NOVA1: variants seen among roughly 807,000 people sequenced by gnomAD.
NOVA1 encodes the protein NOVA alternative splicing regulator 1, also known as RNA-binding protein Nova-1.
NOVA1 carries 7 observed loss-of-function variants against 38.0 expected under a neutral mutation model. That is an observed-to-expected ratio of 0.18 (90% confidence interval 0.10 to 0.35). NOVA1 has a LOEUF of 0.35. NOVA1 is among the 10% of genes least tolerant of loss of function. The pLI is 1.00. For missense variants in NOVA1, 460 were observed against 616.0 expected (o/e 0.75, Z 2.68); for synonymous variants, 270 against 232.5 (o/e 1.16, Z -1.47).
intron 2 of NOVA1, among the ~76,000 whole-genome samples, chr14:26,490,537 G>A (rs1193967271): frequency 2.6e-5 from 4 of 152,172 alleles, no homozygotes; most frequent in African/African-American, 9.7e-5. Context: ...CATCCTAATA[G>A]GTGTGAAGAG....
intron 2 of NOVA1, among the ~76,000 whole-genome samples, chr14:26,571,491 G>A (rs1213041205): frequency 2.0e-5 from 3 of 152,086 alleles, no homozygotes; most frequent in South Asian, 2.1e-4. Context: ...TGACAATGAC[G>A]CAGTTACCTC....
intron 2 of NOVA1, among the ~76,000 whole-genome samples, chr14:26,510,591 T>C (rs1887997705): frequency 6.6e-6 from 1 of 152,040 alleles, no homozygotes; most frequent in East Asian, 1.9e-4. Flanking sequence ...TGGATGGCAT[T>C]AAAAGACAAA....
intron 2 of NOVA1, among the ~76,000 whole-genome samples, chr14:26,515,685 A>G (rs1366175659): frequency 1.3e-5 from 2 of 152,020 alleles, no homozygotes; most frequent in African/African-American, 2.4e-5. Flanking sequence ...AAGAAAAAGG[A>G]TGAAAGGAAA....
At chr14:26,544,631 A>G (rs1030438619) in intron 2 of NOVA1, among the ~76,000 whole-genome samples, 8 of 152,014 alleles carry the variant, frequency 5.3e-5, no homozygotes, top group Non-Finnish European at 8.8e-5. Flanking sequence ...CATTTTCTTC[A>G]TTACTTGAAA....
intron 2 of NOVA1, among the ~76,000 whole-genome samples, chr14:26,518,142 G>C (rs1047992213): frequency 6.6e-6 from 1 of 151,820 alleles, no homozygotes. Context: ...AAATATTTAA[G>C]GATATTATAT....
At chr14:26,538,084 C>T (rs1357017147) in intron 2 of NOVA1, among the ~76,000 whole-genome samples, 3 of 152,088 alleles carry the variant, frequency 2.0e-5, no homozygotes, top group Non-Finnish European at 4.4e-5. Flanking sequence ...ATAAGAGAAT[C>T]AGAAAGACTC....
chr14:26,527,642 G>T (rs1354914093), intron 2 of NOVA1, among the ~76,000 whole-genome samples: 1 of 152,176 alleles, frequency 6.6e-6, no homozygotes, highest in Non-Finnish European at 1.5e-5. Flanking sequence ...AGACATGTCT[G>T]TCAAGTAGAC....
chr14:26,573,966 A>C (rs1340639687), intron 2 of NOVA1, among the ~76,000 whole-genome samples: 3 of 152,094 alleles, frequency 2.0e-5, no homozygotes, highest in Admixed American at 2.0e-4. Context: ...AGGCTGAGCC[A>C]CATGAGATCT....
At chr14:26,546,125 T>C (rs1890775531) in intron 2 of NOVA1, among the ~76,000 whole-genome samples, 1 of 152,108 alleles carries the variant, frequency 6.6e-6, no homozygotes, top group Non-Finnish European at 1.5e-5. Flanking sequence ...AAAAACATTT[T>C]TCATTTTTAA....
intron 4 of NOVA1, among the ~76,000 whole-genome samples, chr14:26,450,404 A>C (rs201352163): frequency 4.7e-5 from 6 of 126,524 alleles, no homozygotes; most frequent in South Asian, 5.4e-4. Flanking sequence ...CACACACACA[A>C]ACCTCATTTT....
At chr14:26,531,399 G>A (rs553274924) in intron 2 of NOVA1, among the ~76,000 whole-genome samples, 1 of 152,224 alleles carries the variant, frequency 6.6e-6, no homozygotes, top group African/African-American at 2.4e-5. Context: ...CCTGAGGTCG[G>A]GAGTTTGAGA....
intron 2 of NOVA1, among the ~76,000 whole-genome samples, chr14:26,517,529 T>G (rs529410127): frequency 1.3e-5 from 2 of 152,182 alleles, no homozygotes; most frequent in Non-Finnish European, 2.9e-5. Context: ...TCATTAAATA[T>G]TTGTTGAAAT....
rs748586476 is a variant in NOVA1, at chr14:26,596,549, T to C, written c.136+752A>G. 1.6e-5 allele frequency: 21 copies of C among 1,288,994 alleles called. No homozygotes were observed. The Admixed American group carries it at 2.8e-4, about 17-fold the overall frequency. 79.8% of individuals were successfully genotyped at this position (1,288,994 alleles called of 1,614,324 possible). Reference sequence around the variant, plus strand: ...TCAAAAGACCCCCATCCGTCTACAATGCATATGCTGGAGATAAATTCACCT... The same window carrying C: ...TCAAAAGACCCCCATCCGTCTACAACGCATATGCTGGAGATAAATTCACCT... On this transcript the variant is annotated intron_variant, in intron 1 of 4. Coordinates refer to ENST00000539517, the MANE Select transcript of NOVA1 (RefSeq NM_002515.3).
intron 1 of NOVA1, among the ~76,000 whole-genome samples, chr14:26,596,299 T>A (rs1245444625): frequency 6.6e-6 from 1 of 152,194 alleles, no homozygotes; most frequent in Non-Finnish European, 1.5e-5. Context: ...TAAATAGGCT[T>A]AAAAGTGACA....
chr14:26,536,884 A>T (rs1403519284), intron 2 of NOVA1, among the ~76,000 whole-genome samples: 1 of 152,160 alleles, frequency 6.6e-6, no homozygotes, highest in Non-Finnish European at 1.5e-5. Context: ...ATCAGGAATT[A>T]GAACATTTCA....
intron 2 of NOVA1, among the ~76,000 whole-genome samples, chr14:26,541,998 T>C (rs1890495045): frequency 1.3e-5 from 2 of 151,938 alleles, no homozygotes; most frequent in Non-Finnish European, 2.9e-5. Flanking sequence ...GGTCAGAATA[T>C]CCATTCACTA....
At chr14:26,544,206 TC>T (rs1400155404) in intron 2 of NOVA1, among the ~76,000 whole-genome samples, 2 of 151,660 alleles carry the variant, frequency 1.3e-5, no homozygotes, top group Admixed American at 1.3e-4. Flanking sequence ...ACAAGGTAAC[TC>T]CAAAACAAAG....
chr14:26,587,318 A>AC (rs1566561925), intron 2 of NOVA1, among the ~76,000 whole-genome samples: 3 of 150,112 alleles, frequency 2.0e-5, no homozygotes, highest in Non-Finnish European at 3.0e-5. Context: ...TAAAAAAAAA[A>AC]AAAAACAAAA....
chr14:26,583,863 G>A (rs1050126232), intron 2 of NOVA1, among the ~76,000 whole-genome samples: 5 of 137,406 alleles, frequency 3.6e-5, no homozygotes, highest in African/African-American at 1.1e-4. Context: ...TAACTTTAGC[G>A]TTTGAACAGC....
Sources: allele counts gnomAD v4.1 joint callset (sites outside exome capture counted in the v4.1 genomes callset), GRCh38; gene constraint gnomAD v4.1.1; transcripts MANE v1.5; gene names NCBI Gene and HGNC (gene_info 2026-07-23, HGNC 2026-07-21).